CDH23: variants seen among roughly 807,000 people sequenced by gnomAD.
CDH23 encodes cadherin related 23, also known as cadherin-23.
A neutral mutation model predicts 317.1 loss-of-function variants in CDH23; 189 were observed. The observed-to-expected ratio is 0.60, with a 90% CI of 0.53 to 0.67. The LOEUF (loss-of-function observed/expected upper bound fraction) is 0.67, where lower values mean the gene tolerates loss of function less well. CDH23 is among the 30% of genes least tolerant of loss of function. CDH23 has a pLI of 0.00. For missense variants in CDH23, 4,401 were observed against 4,592.4 expected (o/e 0.96, Z 1.20); for synonymous variants, 1,839 against 1,876.8 (o/e 0.98, Z 0.52).
intron 22 of CDH23, among the ~76,000 whole-genome samples, chr10:71,697,800 G>A (rs890451771): frequency 2.6e-5 from 4 of 152,134 alleles, no homozygotes; most frequent in Non-Finnish European, 5.9e-5. Context: ...TACAAAACCC[G>A]CAGGGTCTGC....
At chr10:71,539,015 T>C (rs1855851249) in intron 6 of CDH23, among the ~76,000 whole-genome samples, 1 of 152,252 alleles carries the variant, frequency 6.6e-6, no homozygotes, top group South Asian at 2.1e-4. Flanking sequence ...TGGCTCAGCC[T>C]GTATCCAGGG....
chr10:71,536,351 G>A (rs2132275032), intron 6 of CDH23, among the ~76,000 whole-genome samples: 1 of 152,346 alleles, frequency 6.6e-6, no homozygotes, highest in Admixed American at 6.5e-5. Context: ...CTAGTGAGGA[G>A]GAGGCTGGTT....
chr10:71,412,240 G>A (rs1288110777), intron 1 of CDH23, among the ~76,000 whole-genome samples: 1 of 152,066 alleles, frequency 6.6e-6, no homozygotes, highest in East Asian at 1.9e-4. Context: ...CCACCTTCTG[G>A]TTCTTATCAA....
intron 9 of CDH23, among the ~76,000 whole-genome samples, chr10:71,589,818 T>C (rs1487725994): frequency 6.6e-6 from 1 of 152,240 alleles, no homozygotes; most frequent in Non-Finnish European, 1.5e-5. Flanking sequence ...GGAGTAATAA[T>C]GACATCATAT....
chr10:71,779,238 G>A (rs1434680341), intron 40 of CDH23, 29 bp from the exon 41 acceptor site: 2 of 1,611,992 alleles, frequency 1.2e-6, no homozygotes, highest in Non-Finnish European at 1.7e-6. Context: ...CTGGGGTGAG[G>A]CCTTGGCTAA....
intron 3 of CDH23, among the ~76,000 whole-genome samples, chr10:71,473,153 C>G (rs1470399441): frequency 6.6e-6 from 1 of 152,180 alleles, no homozygotes; most frequent in East Asian, 1.9e-4. Flanking sequence ...CTGGGCAAAG[C>G]CTCCTGGCCT....
intron 11 of CDH23, among the ~76,000 whole-genome samples, chr10:71,624,962 T>A (rs1861644265): frequency 6.6e-6 from 1 of 152,070 alleles, no homozygotes; most frequent in African/African-American, 2.4e-5. Context: ...CAAACTCTGA[T>A]AATTTTTACT....
At chr10:71,413,922 G>T (rs1848433545) in intron 1 of CDH23, among the ~76,000 whole-genome samples, 2 of 152,018 alleles carry the variant, frequency 1.3e-5, no homozygotes, top group African/African-American at 4.8e-5. Context: ...TGATGCTATT[G>T]TAAATGGAAC....
chr10:71,702,761 C>T, intron 24 of CDH23, 67 bp downstream of exon 24: 1 of 1,594,062 alleles, frequency 6.3e-7, no homozygotes, highest in Non-Finnish European at 8.6e-7. Flanking sequence ...GAGCCTAGCC[C>T]AGGCTGAAAA....
chr10:71,774,078 C>T (rs1213167518), intron 38 of CDH23, among the ~76,000 whole-genome samples: 1 of 152,030 alleles, frequency 6.6e-6, no homozygotes, highest in Non-Finnish European at 1.5e-5. Context: ...CACACACACA[C>T]ACACACACAC....
At chr10:71,532,384 C>A (rs1040040158) in intron 6 of CDH23, among the ~76,000 whole-genome samples, 4 of 152,218 alleles carry the variant, frequency 2.6e-5, no homozygotes, top group African/African-American at 9.6e-5. Context: ...CCCCGATTAC[C>A]TTGGAGAGTC....
chr10:71,798,179 C>T (rs890772954), intron 49 of CDH23, among the ~76,000 whole-genome samples, 175 bp from the exon 50 acceptor site: 3 of 152,168 alleles, frequency 2.0e-5, no homozygotes, highest in African/African-American at 7.2e-5. Flanking sequence ...AGCAAGTGAG[C>T]ACACCACTGG....
chr10:71,414,047 T>TTGTGTG (rs34017042), intron 1 of CDH23, among the ~76,000 whole-genome samples: 7,127 of 142,920 alleles, frequency 0.05, 268 homozygotes, highest in African/African-American at 0.099. Context: ...CTCCTGGGTT[T>TTGTGTG]TGTGTGTGTG....
intron 38 of CDH23, among the ~76,000 whole-genome samples, chr10:71,775,013 C>T (rs1840784551): frequency 6.6e-6 from 1 of 152,206 alleles, no homozygotes. Flanking sequence ...GGCCCAGTCC[C>T]CCTGGAGCCA....
chr10:71,421,374 G>A (rs1204984260), intron 1 of CDH23, among the ~76,000 whole-genome samples: 1 of 152,246 alleles, frequency 6.6e-6, no homozygotes, highest in Non-Finnish European at 1.5e-5. Context: ...GTGTGCCTGG[G>A]GAGTGGGTGG....
At chr10:71,643,043 G>C (rs2132586084) in intron 11 of CDH23, among the ~76,000 whole-genome samples, 1 of 152,346 alleles carries the variant, frequency 6.6e-6, no homozygotes, top group South Asian at 2.1e-4. Context: ...AAAGTGTTTA[G>C]AATAGTGCCT....
chr10:71,592,897 G>A (rs1859591384), intron 9 of CDH23, among the ~76,000 whole-genome samples: 1 of 152,164 alleles, frequency 6.6e-6, no homozygotes, highest in African/African-American at 2.4e-5. Flanking sequence ...CGCCGCTCTT[G>A]AAATGCCCTT....
intron 3 of CDH23, among the ~76,000 whole-genome samples, chr10:71,452,200 G>T (rs1850480358): frequency 6.6e-6 from 1 of 151,522 alleles, no homozygotes; most frequent in Non-Finnish European, 1.5e-5. Context: ...AGAGGTAGCA[G>T]CATGAAGCCT....
At chr10:71,463,745 A>C (rs1263189622) in intron 3 of CDH23, among the ~76,000 whole-genome samples, 2 of 152,220 alleles carry the variant, frequency 1.3e-5, no homozygotes, top group Non-Finnish European at 2.9e-5. Flanking sequence ...TTCATGGTAG[A>C]ACTTCACCTG....
Sources: gnomAD v4.1 joint callset for allele counts (sites outside exome capture counted in the v4.1 genomes callset) on GRCh38, gnomAD v4.1.1 for gene constraint, MANE v1.5 for transcripts, NCBI Gene and HGNC (gene_info 2026-07-23, HGNC 2026-07-21) for gene names.